Variants in LONRF2 observed in about 807,000 individuals in gnomAD.
LONRF2 encodes LON peptidase N-terminal domain and ring finger 2.
Under a neutral mutation model 66.6 loss-of-function variants are expected in LONRF2, and 35 were observed. That is an observed-to-expected ratio of 0.53 (90% CI 0.40 to 0.70). LONRF2 has a LOEUF of 0.70. Ranked by LOEUF, LONRF2 falls within the 30% of genes least tolerant of loss-of-function variation. The pLI, the probability that LONRF2 is intolerant of heterozygous loss-of-function variation, is 0.00. For synonymous variants in LONRF2, 417 were observed against 418.1 expected (o/e 1.00, Z 0.03); for missense variants, 902 against 1,002.1 (o/e 0.90, Z 1.35).
At chr2:100,315,699 C>T (rs1238757111) in intron 1 of LONRF2, among the ~76,000 whole-genome samples, 1 of 152,148 alleles carries the variant, frequency 6.6e-6, no homozygotes, top group Non-Finnish European at 1.5e-5. Context: ...CTGCTTGCTA[C>T]TGATGTGATA....
chr2:100,302,817 C>G (rs1234716518), intron 3 of LONRF2, 104 bp downstream of exon 3: 1 of 1,171,096 alleles, frequency 8.5e-7, no homozygotes, highest in South Asian at 2.5e-5. Context: ...CACGAACATT[C>G]AGAATTATAT....
chr2:100,299,678 T>C, intron 5 of LONRF2, 39 bp downstream of exon 5: 1 of 1,511,190 alleles, frequency 6.6e-7, no homozygotes, highest in Non-Finnish European at 9.2e-7. Flanking sequence ...TCTATCACTT[T>C]GGAGTCACAG....
chr2:100,313,369 C>G (rs1404589777), intron 1 of LONRF2, among the ~76,000 whole-genome samples: 1 of 152,082 alleles, frequency 6.6e-6, no homozygotes, highest in Non-Finnish European at 1.5e-5. Context: ...GTGGAACATG[C>G]CTGTAATTCC....
At position 100,305,431 on chromosome 2, in the gene LONRF2, A is replaced by AAAT. The variant is rs111428761; in HGVS notation, c.799-2391_799-2389dup. On this transcript the variant is annotated intron_variant, in intron 2 of 11. Coordinates refer to ENST00000393437, the MANE Select transcript of LONRF2 (RefSeq NM_198461.4). Reference sequence around the variant, plus strand: ...TGTCATTTTAATTATTTCTGTATAAAAATTCTCCAGAACATTGGCAGCCAC... The same window carrying AAAT: ...TGTCATTTTAATTATTTCTGTATAAAAATAATTCTCCAGAACATTGGCAGCCAC... 5.9e-3 allele frequency among the ~76,000 whole-genome samples: 892 copies of AAAT among 152,310 alleles called. 12 individuals carry two copies. The highest frequency in any genetic ancestry group is 0.046 in the East Asian group (240 of 5,178).
chr2:100,295,491 C>A lies in LONRF2; in HGVS notation c.1539G>T (p.Leu513Phe). The change falls in exon 8 of 12, where the codon TTG (leucine) becomes TTT (phenylalanine). Residue 513 changes from leucine (L) to phenylalanine (F), a missense_variant. Coordinates refer to ENST00000393437, the MANE Select transcript of LONRF2 (RefSeq NM_198461.4). The stretch of plus-strand genomic sequence containing the variant: ...TCTTCCTATCAGACAATTCATCCGG[C>A]AAATATCGAAATATTAATTCTTCGG... ...VLAEELIFRY[L>F]PDELSDRKRI... 1 of 1,613,498 alleles carries A rather than the reference C, an allele frequency of 6.2e-7. No individual in the cohort carries two copies. The highest frequency in any genetic ancestry group is 2.2e-5 in the East Asian group (1 of 44,850).
intron 7 of LONRF2, among the ~76,000 whole-genome samples, chr2:100,297,079 A>G (rs1270482646): frequency 6.6e-6 from 1 of 152,148 alleles, no homozygotes; most frequent in African/African-American, 2.4e-5. Flanking sequence ...CCCTGGAAAT[A>G]CAGGGAAAAC....
intron 3 of LONRF2, 120 bp downstream of exon 3, chr2:100,302,801 C>T (rs1675211675): frequency 1.0e-6 from 1 of 995,176 alleles, no homozygotes; most frequent in Non-Finnish European, 1.4e-6. Context: ...TTTTTTATTG[C>T]ATTATCACGA....
intron 9 of LONRF2, among the ~76,000 whole-genome samples, chr2:100,292,387 C>G (rs1674980401): frequency 6.6e-6 from 1 of 152,306 alleles, no homozygotes; most frequent in Middle Eastern, 3.4e-3. Context: ...CACACAAGGT[C>G]ATTAGCAATT....
In LONRF2 at chr2:100,299,277, C is replaced by A. The variant is rs1675130556; in HGVS notation, c.1310G>T (p.Ser437Ile). The A allele has an allele frequency of 6.3e-7, 1 of 1,595,304 alleles. No homozygotes were observed. Among genetic ancestry groups the A allele is most frequent in the Admixed American group, 1.7e-5 (1 of 57,564 alleles). ...AGTTACATCAAGCGAGAGCCCCTGA[C>A]TTTCTTCTGTCTCAGAGTTTGGGCT... is the stretch of plus-strand genomic sequence containing the variant. ...QRSPNSETEE[S>I]QGLSLDVTDF... The change falls in exon 6 of 12, where the codon AGT becomes ATT. Residue 437 changes from serine (S) to isoleucine (I), a missense_variant. Ser to Ile is a moderately radical substitution (Grantham distance 142). Around this residue, in one of 2 missense-constraint regions of LONRF2, gnomAD observed 317 missense variants for 432.2 expected, o/e 0.73. Coordinates refer to ENST00000393437, the MANE Select transcript of LONRF2 (RefSeq NM_198461.4).
At position 100,321,851 on chromosome 2, in the gene LONRF2, G is replaced by A. The variant is rs1675639635; in HGVS notation, c.243C>T (p.Phe81=). 1.7e-6 allele frequency: 2 copies of A among 1,171,642 alleles called. No homozygotes were observed. Among genetic ancestry groups the A allele is most frequent in the South Asian group, 4.1e-5 (1 of 24,656 alleles). 72.6% of individuals were successfully genotyped at this position (1,171,642 alleles called of 1,614,324 possible). ...AGRLPEALGA[F]RGAARLGALR... ...GCGCCCCGAGCCGCGCGGCGCCGCG[G>A]AACGCGCCCAGGGCTTCGGGGAGGC... is the stretch of plus-strand genomic sequence containing the variant. The change falls in exon 1 of 12, where the codon TTC becomes TTT. Residue 81 remains phenylalanine (F), a synonymous_variant. Coordinates refer to ENST00000393437, the MANE Select transcript of LONRF2 (RefSeq NM_198461.4).
At chr2:100,303,135 A>G in intron 2 of LONRF2, 92 bp from the exon 3 acceptor site, 1 of 1,245,626 alleles carries the variant, frequency 8.0e-7, no homozygotes, top group South Asian at 1.8e-5. Context: ...TATTAGAACA[A>G]TTTGTTTTAA....
chr2:100,321,332 C>T, intron 1 of LONRF2, 83 bp downstream of exon 1: 2 of 1,215,968 alleles, frequency 1.6e-6, no homozygotes, highest in African/African-American at 1.6e-5. Flanking sequence ...AGCCCAAAGC[C>T]TCGGGCCCAC....
intron 1 of LONRF2, among the ~76,000 whole-genome samples, chr2:100,313,326 C>A (rs1172658426): frequency 6.6e-6 from 1 of 152,104 alleles, no homozygotes; most frequent in East Asian, 1.9e-4. Flanking sequence ...GAGACCCCAT[C>A]TCTACTAAAA....
chr2:100,309,763 C>T lies in LONRF2; in HGVS notation c.680-538G>A, dbSNP rs184909699. 1.1e-3 allele frequency among the ~76,000 whole-genome samples: 174 copies of T among 152,198 alleles called. 1 individual carries two copies. The highest frequency in any genetic ancestry group is 2.2e-3 in the Non-Finnish European group (152 of 68,002). On this transcript the variant is annotated intron_variant, in intron 1 of 11. Transcript: ENST00000393437. The stretch of plus-strand genomic sequence containing the variant: ...TCTTGGCTCACTGCAACCTCTGCCT[C>T]CTGGGTTCAAGCAATTCTCCTGCCT...
At chr2:100,300,188 C>T (rs1675156130) in intron 4 of LONRF2, among the ~76,000 whole-genome samples, 1 of 152,000 alleles carries the variant, frequency 6.6e-6, no homozygotes, top group African/African-American at 2.4e-5. Context: ...CACACACACA[C>T]ACATACACAT....
In LONRF2 at chr2:100,279,862, T is replaced by C. The variant is rs1674676554; in HGVS notation, c.*4436A>G. On this transcript the variant is annotated 3_prime_UTR_variant, in exon 12 of 12. Coordinates refer to ENST00000393437, the MANE Select transcript of LONRF2 (RefSeq NM_198461.4). ...CTGCCCTTTCCTGCAGAACATACAG[T>C]AGAGGGTCTGAGCCACGTTCCTCCT... 6.6e-6 allele frequency: 1 copy of C among 152,268 alleles called. No homozygotes were observed. Among genetic ancestry groups the C allele is most frequent in the African/African-American group, 2.4e-5 (1 of 41,422 alleles). 9.4% of individuals were successfully genotyped at this position (152,268 alleles called of 1,614,324 possible).
At chr2:100,290,464 A>AG in intron 9 of LONRF2, 44 bp from the exon 10 acceptor site, 1 of 1,563,028 alleles carries the variant, frequency 6.4e-7, no homozygotes, top group Non-Finnish European at 8.7e-7. Flanking sequence ...TTTAAAATGC[A>AG]GGGGGCCTTC....
chr2:100,320,490 C>T (rs770466985), intron 1 of LONRF2, among the ~76,000 whole-genome samples: 45 of 152,034 alleles, frequency 3.0e-4, no homozygotes, highest in Non-Finnish European at 5.7e-4. Context: ...TAATTTGTGC[C>T]TTCTAAAAGG....
At chr2:100,295,582 G>A in intron 7 of LONRF2, 29 bp from the exon 8 acceptor site, 13 of 1,602,270 alleles carry the variant, frequency 8.1e-6, no homozygotes, top group South Asian at 1.1e-5. Flanking sequence ...AAATGATACT[G>A]TATGGTAATT....
Sources: allele counts gnomAD v4.1 joint callset (sites outside exome capture counted in the v4.1 genomes callset), GRCh38; gene constraint gnomAD v4.1.1; regional missense constraint gnomAD v4.1.1; transcripts MANE v1.5; gene names NCBI Gene and HGNC (gene_info 2026-07-23, HGNC 2026-07-21).